RAB11FIP4: variants seen among roughly 807,000 people sequenced by gnomAD.
RAB11FIP4 encodes the protein RAB11 family interacting protein 4.
In RAB11FIP4, 23 loss-of-function variants were observed where a neutral mutation model predicts 74.3. The ratio of observed to expected loss-of-function variants is 0.31; its 90% CI spans 0.22 to 0.44. The LOEUF is 0.44. RAB11FIP4 is among the 20% of genes least tolerant of loss of function. The pLI, the probability that RAB11FIP4 is intolerant of heterozygous loss-of-function variation, is 1.00. For missense variants in RAB11FIP4, 630 were observed against 863.9 expected, an observed-to-expected ratio of 0.73 and a Z score of 3.39; for synonymous variants, 360 against 359.9, an observed-to-expected ratio of 1.00 and a Z score of 0.00.
intron 3 of RAB11FIP4, among the ~76,000 whole-genome samples, chr17:31,440,126 T>C (rs146475761): frequency 2.6e-5 from 4 of 152,340 alleles, no homozygotes; most frequent in African/African-American, 9.6e-5. Context: ...TTCTCCTATA[T>C]ATAGTTTTCA....
At position 31,528,721 on chromosome 17, in the gene RAB11FIP4, G is replaced by A; in HGVS notation, c.1596G>A (p.Glu532=). The change falls in exon 13 of 15, where the codon GAG becomes GAA. Residue 532 remains glutamate, a synonymous_variant. Transcript: ENST00000621161. ...GCAGTGCCTCCTCTGGCCTAGGCGA[G>A]TTCAATGCCAGGGCCCGCGAGGTGG... ...RGRSASSGLG[E]FNARAREVEL... The A allele has an allele frequency of 6.2e-7, 1 of 1,612,192 alleles. No homozygotes were observed. Among genetic ancestry groups the A allele is most frequent in the Non-Finnish European group, 8.5e-7 (1 of 1,179,614 alleles).
chr17:31,433,503 G>A (rs1403713646), intron 2 of RAB11FIP4, among the ~76,000 whole-genome samples: 2 of 152,216 alleles, frequency 1.3e-5, no homozygotes, highest in Non-Finnish European at 2.9e-5. Context: ...ATTTTGTCAG[G>A]TCCCCCTCCC....
At chr17:31,485,103 T>C (rs1306989400) in intron 3 of RAB11FIP4, among the ~76,000 whole-genome samples, 2 of 152,220 alleles carry the variant, frequency 1.3e-5, no homozygotes, top group African/African-American at 4.8e-5. Context: ...CTAGACACTT[T>C]ATCATTTCAT....
Position 31,521,951 on chromosome 17 carries a change from C to A in RAB11FIP4, c.795C>A (p.Tyr265Ter). Reference protein sequence around the residue: ...GQTPRKMRHVYNSELLDVYCS... With the variant: ...GQTPRKMRHV The stretch of plus-strand genomic sequence containing the variant: ...CGCCTAGGAAAATGCGGCACGTGTA[C>A]AACAGCGAATTGCTAGATGTTTACT... Residue 265 changes from tyrosine (Y) to a stop codon, truncating the protein, a stop_gained, in exon 6 of 15, where the codon TAC becomes TAA. Coordinates refer to ENST00000621161, the MANE Select transcript of RAB11FIP4 (RefSeq NM_032932.6). LOFTEE classifies it high-confidence loss of function. 6.2e-7 allele frequency: 1 copy of A among 1,614,186 alleles called. No individual in the cohort carries two copies. Among genetic ancestry groups the A allele is most frequent in the Non-Finnish European group, 8.5e-7 (1 of 1,180,048 alleles).
chr17:31,441,406 T>C (rs2071406051), intron 3 of RAB11FIP4, among the ~76,000 whole-genome samples: 1 of 152,184 alleles, frequency 6.6e-6, no homozygotes, highest in Non-Finnish European at 1.5e-5. Context: ...TGTGCTGATA[T>C]GTGTAGGATC....
intron 1 of RAB11FIP4, among the ~76,000 whole-genome samples, chr17:31,425,298 G>A (rs900989411): frequency 2.6e-5 from 4 of 152,372 alleles, no homozygotes; most frequent in Admixed American, 6.5e-5. Context: ...ATTCCCGTGA[G>A]TAATGGCTGA....
chr17:31,413,221 G>T (rs991063156), intron 1 of RAB11FIP4, among the ~76,000 whole-genome samples: 24 of 152,100 alleles, frequency 1.6e-4, no homozygotes, highest in Non-Finnish European at 2.9e-4. Context: ...GTTAGAGGAG[G>T]CAGGGTCCAG....
chr17:31,459,699 T>A (rs1223290886), intron 3 of RAB11FIP4, among the ~76,000 whole-genome samples: 1 of 152,080 alleles, frequency 6.6e-6, no homozygotes. Flanking sequence ...TGCAGCACTG[T>A]CATCTTTGAC....
intron 3 of RAB11FIP4, among the ~76,000 whole-genome samples, chr17:31,507,876 G>C (rs2072381837): frequency 1.3e-5 from 2 of 152,014 alleles, no homozygotes; most frequent in Non-Finnish European, 2.9e-5. Context: ...CACTCCCGTT[G>C]CCCAGGCTGG....
chr17:31,402,592 A>G (rs2044390237), intron 1 of RAB11FIP4, among the ~76,000 whole-genome samples: 1 of 128,404 alleles, frequency 7.8e-6, no homozygotes, highest in African/African-American at 3.1e-5. Flanking sequence ...AGATTATTTT[A>G]TTTATTTTTA....
intron 1 of RAB11FIP4, among the ~76,000 whole-genome samples, chr17:31,418,402 A>AAAAT (rs1294374679): frequency 1.3e-5 from 2 of 152,148 alleles, no homozygotes; most frequent in African/African-American, 4.8e-5. Flanking sequence ...AAAATAAAAT[A>AAAAT]AAATAAATAA....
rs1445281630 is a variant in RAB11FIP4, at chr17:31,512,865, A to C, written c.337-4786A>C. 3.3e-5 allele frequency among the ~76,000 whole-genome samples: 5 copies of C among 151,904 alleles called. No homozygotes were observed. The highest frequency in any genetic ancestry group is 2.0e-4 in the Admixed American group (3 of 15,254). On this transcript the variant is annotated intron_variant, in intron 3 of 14. Transcript: ENST00000621161. The surrounding 1 kb of genome is among the most constrained non-coding windows in gnomAD (Gnocchi z 4.1). ...ACTCCTTTTTCACACAGCAGGCGGG[A>C]ATGGGCAGGAAACCGGGGCTCTGAG...
chr17:31,419,436 G>A lies in RAB11FIP4; in HGVS notation c.160-12377G>A, dbSNP rs183064369. The stretch of plus-strand genomic sequence containing the variant: ...CAGCTTTGCTGAATAAACCCCATTC[G>A]GCTGCTTGTCTTGTTATATTTTTCA... On this transcript the variant is annotated intron_variant, in intron 1 of 14. Transcript: ENST00000621161. Among the ~76,000 whole-genome samples, 165 of 151,746 alleles carry A rather than the reference G, an allele frequency of 1.1e-3. 1 individual carries two copies. The highest frequency in any genetic ancestry group is 1.9e-3 in the Non-Finnish European group (130 of 67,944).
intron 1 of RAB11FIP4, among the ~76,000 whole-genome samples, chr17:31,422,665 G>C (rs56294100): frequency 0.06 from 9,106 of 152,006 alleles, 915 homozygotes; most frequent in African/African-American, 0.21. Flanking sequence ...TTTGTACTGT[G>C]ATTTCCGTTC....
chr17:31,518,408 G>A (rs1185981695), intron 4 of RAB11FIP4: 1 of 145,774 alleles, frequency 6.9e-6, no homozygotes, highest in African/African-American at 2.6e-5. Flanking sequence ...CATGAGATCA[G>A]CTTTGTTAAA....
intron 1 of RAB11FIP4, among the ~76,000 whole-genome samples, chr17:31,412,434 C>T (rs2071107176): frequency 6.6e-6 from 1 of 152,212 alleles, no homozygotes; most frequent in South Asian, 2.1e-4. Context: ...TCCAGCCTAA[C>T]CTGTCTCAAA....
At chr17:31,441,168 G>A (rs960941632) in intron 3 of RAB11FIP4, among the ~76,000 whole-genome samples, 2 of 151,918 alleles carry the variant, frequency 1.3e-5, no homozygotes, top group Non-Finnish European at 2.9e-5. Flanking sequence ...GGGACTACAG[G>A]TGCCCACCAC....
intron 3 of RAB11FIP4, among the ~76,000 whole-genome samples, chr17:31,500,785 G>A (rs537406935): frequency 7.8e-4 from 119 of 152,328 alleles, no homozygotes; most frequent in African/African-American, 2.6e-3. Flanking sequence ...AGCACTTTGG[G>A]AGGCTGAGGC....
chr17:31,426,948 ATTTTTGT>A (rs974755707), intron 1 of RAB11FIP4, among the ~76,000 whole-genome samples: 4 of 149,068 alleles, frequency 2.7e-5, no homozygotes, highest in African/African-American at 7.4e-5. Flanking sequence ...GTGCCTGGCC[ATTTTTGT>A]TTTTTGTTTT....
Sources: allele counts gnomAD v4.1 joint callset (sites outside exome capture counted in the v4.1 genomes callset), GRCh38; gene constraint gnomAD v4.1.1; non-coding constraint Gnocchi (gnomAD v3.1); transcripts MANE v1.5; gene names NCBI Gene and HGNC (gene_info 2026-07-23, HGNC 2026-07-21).